The following C6orf141 variants were observed in gnomAD, a reference collection of about 807,000 sequenced individuals.
C6orf141 encodes the protein uncharacterized protein C6orf141.
For missense variants in C6orf141, 361 were observed against 335.8 expected (o/e 1.07, Z -0.59); for synonymous variants, 164 against 140.5 (o/e 1.17, Z -1.18).
chr6:49,561,287 G>A (rs1217540582), intron 4 of C6orf141, among the ~76,000 whole-genome samples: 1 of 151,854 alleles, frequency 6.6e-6, no homozygotes, highest in Non-Finnish European at 1.5e-5. Context: ...TAGTAGAGAC[G>A]GAGTTTTTAC....
intron 4 of C6orf141, among the ~76,000 whole-genome samples, chr6:49,557,620 G>A (rs909994169): frequency 6.6e-6 from 1 of 152,092 alleles, no homozygotes; most frequent in Non-Finnish European, 1.5e-5. Context: ...TGAGGACCTA[G>A]GAGCCATTAC....
Position 49,551,685 on chromosome 6 carries a change from A to G in C6orf141, c.*158A>G, listed in dbSNP as rs1770650327. ...AGGCAGATTAAGAACTGTAAGCAGC[A>G]TAATACCTCCTTTGTGGCTTGAATT... On this transcript the variant is annotated 3_prime_UTR_variant, in exon 1 of 1. Transcript: ENST00000529246. The G allele has an allele frequency of 6.9e-7, 1 of 1,450,774 alleles. No individual in the cohort carries two copies. Among genetic ancestry groups the G allele is most frequent in the Non-Finnish European group, 9.1e-7 (1 of 1,102,726 alleles). The allele number at this position is 1,450,774 out of a possible 1,614,324, so 89.9% of individuals were successfully genotyped here.
Position 49,552,089 on chromosome 6 carries a change from G to C in C6orf141, c.*562G>C. On this transcript the variant is annotated 3_prime_UTR_variant, in exon 1 of 1. Coordinates refer to ENST00000529246, the MANE Select transcript of C6orf141 (RefSeq NM_001145652.2). ...TAGAAAGAAAACGAGAGGAGCTAGG[G>C]AAAGAAGGAGTTGGGGACAGAAGAC... 1 of 328,574 alleles carries C rather than the reference G, an allele frequency of 3.0e-6. No homozygotes were observed. Among genetic ancestry groups the C allele is most frequent in the Non-Finnish European group, 4.6e-6 (1 of 218,478 alleles). 20.4% of individuals were successfully genotyped at this position (328,574 alleles called of 1,614,324 possible). A position where few individuals can be genotyped will look rare whatever the true frequency, so the allele number is the denominator to read the frequency against.
downstream of C6orf141, among the ~76,000 whole-genome samples, chr6:49,553,448 T>A (rs1365491583): frequency 1.3e-5 from 2 of 152,192 alleles, no homozygotes; most frequent in African/African-American, 4.8e-5. Context: ...CTCTTTTCCT[T>A]AACAACCCTC....
At chr6:49,561,716 A>G (rs6458700) in exon 5 of C6orf141, 148,171 of 152,082 alleles carry the variant, frequency 0.97, 72,310 homozygotes, top group East Asian at 1. Context: ...ATGGAGTCTC[A>G]CTCTGTCACC....
At chr6:49,561,652 T>C (rs1392419812) in intron 4 of C6orf141, 1 of 152,182 alleles carries the variant, frequency 6.6e-6, no homozygotes, top group African/African-American at 2.4e-5. Context: ...GCTGTTTTAC[T>C]GGATTTGAGT....
downstream of C6orf141, among the ~76,000 whole-genome samples, chr6:49,555,644 G>A: frequency 6.6e-6 from 1 of 152,054 alleles, no homozygotes; most frequent in East Asian, 1.9e-4. Flanking sequence ...GAGCAGCCGG[G>A]ACTACAGGCG....
intron 4 of C6orf141, among the ~76,000 whole-genome samples, chr6:49,559,619 T>C (rs1211478945): frequency 1.3e-5 from 2 of 152,102 alleles, no homozygotes; most frequent in Non-Finnish European, 2.9e-5. Context: ...AAATTTGCTT[T>C]GTGTGACCAT....
chr6:49,560,728 T>C (rs182820621), intron 4 of C6orf141: 1 of 152,194 alleles, frequency 6.6e-6, no homozygotes, highest in Non-Finnish European at 1.5e-5. Context: ...TCTCGAACTC[T>C]TGACCTCAGG....
downstream of C6orf141, among the ~76,000 whole-genome samples, chr6:49,557,002 C>G (rs1412242948): frequency 6.6e-6 from 1 of 152,060 alleles, no homozygotes; most frequent in Non-Finnish European, 1.5e-5. Flanking sequence ...GCCTGTAATC[C>G]CAGCACTTTG....
intron 4 of C6orf141, among the ~76,000 whole-genome samples, chr6:49,559,514 C>T (rs895217152): frequency 6.6e-6 from 1 of 151,912 alleles, no homozygotes; most frequent in Non-Finnish European, 1.5e-5. Context: ...TCCACCTAGG[C>T]ATGGGGTATT....
chr6:49,550,952 G>T lies in C6orf141; in HGVS notation c.160G>T (p.Ala54Ser), dbSNP rs1770312108. 1.3e-6 allele frequency: 2 copies of T among 1,549,538 alleles called. No individual in the cohort carries two copies. Among genetic ancestry groups the T allele is most frequent in the African/African-American group, 1.4e-5 (1 of 73,114 alleles). The change falls in exon 1 of 1, where the codon GCG becomes TCG. Residue 54 changes from alanine to serine, a missense_variant. Transcript: ENST00000529246. ...CGCCCGGAATCCCGCGACGGCAGGG[G>T]CGAGCCGAAGCCAGGGCGGCGGCCA... ...PGARNPATAG[A>S]SRSQGGGHED... is the part of the protein sequence containing the mutation.
At chr6:49,554,383 ATTTTG>A (rs1170858972), downstream of C6orf141, among the ~76,000 whole-genome samples, 1 of 152,172 alleles carries the variant, frequency 6.6e-6, no homozygotes, top group Admixed American at 6.6e-5. Context: ...GTTTGAGTTA[ATTTTG>A]TTTTGTTTTT....
At chr6:49,558,074 T>TTTGTTTTTTTTTTTTTTTTTTTTTTTG (rs1561996272) in intron 4 of C6orf141, among the ~76,000 whole-genome samples, 114 of 141,316 alleles carry the variant, frequency 8.1e-4, no homozygotes, top group African/African-American at 2.8e-3. Flanking sequence ...TTTTTTTTTT[T>TTTGTTTTTTTTTTTTTTTTTTTTTTTG]TTTTTTTTTA....
chr6:49,558,656 A>T (rs1351153336), intron 4 of C6orf141, among the ~76,000 whole-genome samples: 1 of 152,014 alleles, frequency 6.6e-6, no homozygotes, highest in African/African-American at 2.4e-5. Flanking sequence ...AACTATTATT[A>T]TTATAATTAG....
intron 4 of C6orf141, among the ~76,000 whole-genome samples, chr6:49,559,069 A>G (rs140095038): frequency 1.3e-5 from 2 of 151,026 alleles, no homozygotes; most frequent in Non-Finnish European, 3.0e-5. Flanking sequence ...GAAGACATAC[A>G]GCACACACAA....
At position 49,550,779 on chromosome 6, in the gene C6orf141, C is replaced by A; in HGVS notation, c.-14C>A. The A allele has an allele frequency of 1.4e-6, 2 of 1,451,044 alleles. No homozygotes were observed. The highest frequency in any genetic ancestry group is 3.0e-5 in the South Asian group (2 of 66,328). The allele number at this position is 1,451,044 out of a possible 1,614,324, so 89.9% of individuals were successfully genotyped here. A position where few individuals can be genotyped will look rare whatever the true frequency, so the allele number is the denominator to read the frequency against. Reference sequence around the variant, plus strand: ...GCAGGCGCTTGCTGCTTGAACCGGTCAAAGAAGGAACGAATGAATGACCCT... The same window carrying A: ...GCAGGCGCTTGCTGCTTGAACCGGTAAAAGAAGGAACGAATGAATGACCCT... On this transcript the variant is annotated 5_prime_UTR_variant, in exon 1 of 1. Transcript: ENST00000529246.
chr6:49,552,618 C>T (rs1770888958), downstream of C6orf141: 2 of 152,234 alleles, frequency 1.3e-5, no homozygotes, highest in South Asian at 4.1e-4. Context: ...GTGCCTCCTT[C>T]CCCAGTCTTC....
In C6orf141 at chr6:49,550,725, C is replaced by T. The variant is rs1323984078; in HGVS notation, c.-68C>T. 11 of 1,342,504 alleles carry T rather than the reference C, an allele frequency of 8.2e-6. No individual in the cohort carries two copies. The highest frequency in any genetic ancestry group is 9.9e-6 in the Non-Finnish European group (10 of 1,012,792). 83.2% of individuals were successfully genotyped at this position (1,342,504 alleles called of 1,614,324 possible). ...GCTGCAGCAGAGGCCACACCCAGGG[C>T]TTGGTGGTCCCGCGCTTTCCGGAGC... On this transcript the variant is annotated 5_prime_UTR_variant, in exon 1 of 1. Coordinates refer to ENST00000529246, the MANE Select transcript of C6orf141 (RefSeq NM_001145652.2).
Sources: allele counts gnomAD v4.1 joint callset (sites outside exome capture counted in the v4.1 genomes callset), GRCh38; gene constraint gnomAD v4.1.1; transcripts MANE v1.5; gene names NCBI Gene and HGNC (gene_info 2026-07-23, HGNC 2026-07-21).